DDAH1: variants seen among roughly 807,000 people sequenced by gnomAD.
The protein encoded by DDAH1 is N(G),N(G)-dimethylarginine dimethylaminohydrolase 1.
Under a neutral mutation model 28.8 loss-of-function variants are expected in DDAH1, and 19 were observed. That is an observed-to-expected ratio of 0.66 (90% CI 0.46 to 0.97). DDAH1 has a LOEUF of 0.97. Ranked by LOEUF, DDAH1 falls within the 50% of genes least tolerant of loss-of-function variation. The pLI, the probability that DDAH1 is intolerant of heterozygous loss-of-function variation, is 0.00. For synonymous variants in DDAH1, 153 were observed against 154.4 expected (o/e 0.99, Z 0.07); for missense variants, 326 against 375.9 (o/e 0.87, Z 1.10).
intron 1 of DDAH1, among the ~76,000 whole-genome samples, chr1:85,437,846 C>T (rs963002507): frequency 2.6e-5 from 4 of 152,154 alleles, no homozygotes; most frequent in Non-Finnish European, 4.4e-5. Context: ...AATTTGTTCT[C>T]ATTAACTCCT....
At chr1:85,571,085 T>C (rs1557771540) in intron 1 of DDAH1, among the ~76,000 whole-genome samples, 2 of 152,158 alleles carry the variant, frequency 1.3e-5, no homozygotes, top group Non-Finnish European at 2.9e-5. Flanking sequence ...CTTAGAAAGA[T>C]GTCAAAAAGC....
At chr1:85,418,264 T>G (rs1652972610) in intron 1 of DDAH1, among the ~76,000 whole-genome samples, 1 of 152,214 alleles carries the variant, frequency 6.6e-6, no homozygotes, top group Non-Finnish European at 1.5e-5. Flanking sequence ...CCCTTTTTCG[T>G]CCCAACAATT....
intron 1 of DDAH1, among the ~76,000 whole-genome samples, chr1:85,451,748 C>T (rs1486116703): frequency 6.6e-6 from 1 of 151,964 alleles, no homozygotes; most frequent in Non-Finnish European, 1.5e-5. Context: ...TTTGATATCT[C>T]GAGTGATTGT....
chr1:85,456,087 T>TC (rs1372911520), intron 1 of DDAH1, among the ~76,000 whole-genome samples: 5 of 147,872 alleles, frequency 3.4e-5, no homozygotes, highest in African/African-American at 5.0e-5. Flanking sequence ...CAACCCGGGT[T>TC]CCAAAAAGAA....
intron 1 of DDAH1, among the ~76,000 whole-genome samples, chr1:85,514,169 T>G (rs1328931805): frequency 6.6e-6 from 1 of 151,940 alleles, no homozygotes; most frequent in East Asian, 1.9e-4. Context: ...ATTAAGAAAA[T>G]GTGGCACACA....
upstream of DDAH1, chr1:85,467,401 C>T (rs1430472003): frequency 6.6e-6 from 1 of 152,192 alleles, no homozygotes; most frequent in African/African-American, 2.4e-5. Context: ...CAATTAAAAC[C>T]TGATGTTAGC....
At chr1:85,435,385 C>A (rs906488922) in intron 1 of DDAH1, 3 of 152,188 alleles carry the variant, frequency 2.0e-5, no homozygotes, top group Non-Finnish European at 4.4e-5. Flanking sequence ...TCTTTTCCAA[C>A]AGTTATTCTT....
At chr1:85,574,885 C>CTATA (rs1177435555) in intron 1 of DDAH1, among the ~76,000 whole-genome samples, 17 of 151,768 alleles carry the variant, frequency 1.1e-4, no homozygotes, top group Admixed American at 7.2e-4. Flanking sequence ...ATCTCTCTCT[C>CTATA]TCTCTCTATA....
At chr1:85,325,263 A>G (rs1359266103) in intron 4 of DDAH1, among the ~76,000 whole-genome samples, 4 of 152,190 alleles carry the variant, frequency 2.6e-5, no homozygotes, top group Non-Finnish European at 5.9e-5. Flanking sequence ...TGCCTCCTCT[A>G]TAGGAAAGAA....
chr1:85,434,030 ACC>A (rs1653821795), intron 1 of DDAH1, among the ~76,000 whole-genome samples: 1 of 152,200 alleles, frequency 6.6e-6, no homozygotes, highest in Non-Finnish European at 1.5e-5. Flanking sequence ...CATTTAAGAT[ACC>A]ATATCAGGAT....
intron 1 of DDAH1, among the ~76,000 whole-genome samples, chr1:85,388,937 G>GT (rs759710599): frequency 2.0e-5 from 3 of 152,128 alleles, no homozygotes; most frequent in Non-Finnish European, 4.4e-5. Flanking sequence ...ACATTCACAG[G>GT]TTTTGAAATT....
At chr1:85,469,464 C>T (rs900548328), upstream of DDAH1, among the ~76,000 whole-genome samples, 4 of 152,180 alleles carry the variant, frequency 2.6e-5, no homozygotes, top group Non-Finnish European at 5.9e-5. Context: ...GCAATGAACA[C>T]GTTATCATAG....
chr1:85,536,986 C>CACACA (rs1557738474), intron 1 of DDAH1, among the ~76,000 whole-genome samples: 2 of 30,416 alleles, frequency 6.6e-5, no homozygotes, highest in Non-Finnish European at 1.2e-4. Flanking sequence ...TATATATATA[C>CACACA]GTATATACAT....
chr1:85,344,622 A>T (rs1398231971), intron 4 of DDAH1, among the ~76,000 whole-genome samples: 4 of 150,286 alleles, frequency 2.7e-5, no homozygotes, highest in East Asian at 2.0e-4. Flanking sequence ...CCTTAAGAAA[A>T]TTTTTTTTTC....
intron 1 of DDAH1, among the ~76,000 whole-genome samples, chr1:85,362,777 TTGA>T (rs1169625142): frequency 1.4e-4 from 22 of 152,334 alleles, no homozygotes; most frequent in African/African-American, 5.3e-4. Flanking sequence ...AAACTAGTAG[TTGA>T]TGATATTATT....
intron 2 of DDAH1, among the ~76,000 whole-genome samples, chr1:85,490,081 A>G (rs1441844726): frequency 2.0e-5 from 3 of 152,156 alleles, no homozygotes; most frequent in Non-Finnish European, 4.4e-5. Context: ...TTGAAAATGC[A>G]AATAGAAGAT....
At chr1:85,412,925 T>C (rs1430945416) in intron 1 of DDAH1, among the ~76,000 whole-genome samples, 1 of 152,134 alleles carries the variant, frequency 6.6e-6, no homozygotes, top group Non-Finnish European at 1.5e-5. Flanking sequence ...TGATTGAGCC[T>C]AGCAGGTCGA....
intron 4 of DDAH1, among the ~76,000 whole-genome samples, chr1:85,341,560 A>G (rs1037614210): frequency 6.6e-5 from 10 of 152,242 alleles, no homozygotes; most frequent in Non-Finnish European, 1.5e-4. Context: ...TCACGCCTGT[A>G]ATCCCAGCAC....
intron 1 of DDAH1, among the ~76,000 whole-genome samples, chr1:85,571,787 CTTTTTTTTTTTTTTTT>C (rs58835610): frequency 1.2e-5 from 1 of 85,382 alleles, no homozygotes; most frequent in Admixed American, 1.5e-4. Context: ...TGTTTATAAG[CTTTTTTTTTTTTTTTT>C]TTTTTTTTTG....
Sources: allele counts gnomAD v4.1 joint callset (sites outside exome capture counted in the v4.1 genomes callset), GRCh38; gene constraint gnomAD v4.1.1; transcripts MANE v1.5; gene names NCBI Gene and HGNC (gene_info 2026-07-23, HGNC 2026-07-21).